RNF213: variants seen among roughly 807,000 people sequenced by gnomAD.
RNF213 encodes the protein ring finger protein 213, also known as E3 ubiquitin-protein ligase RNF213.
In RNF213, 341 loss-of-function variants were observed where a neutral mutation model predicts 514.4. That is an observed-to-expected ratio of 0.66 (90% confidence interval 0.61 to 0.73). The LOEUF is 0.73. Ranked by LOEUF, RNF213 falls within the 30% of genes least tolerant of loss-of-function variation. The pLI is 0.00. For missense variants in RNF213, 5,767 were observed against 6,615.6 expected (o/e 0.87, Z 4.45); for synonymous variants, 2,655 against 2,658.2 (o/e 1.00, Z 0.04).
At chr17:80,375,906 C>G in intron 51 of RNF213, 36 bp downstream of exon 51, 1 of 1,389,922 alleles carries the variant, frequency 7.2e-7, no homozygotes, top group Non-Finnish European at 1.0e-6. Context: ...TTCAAAGTCT[C>G]AGTATTTGGA....
intron 42 of RNF213, 106 bp from the exon 43 acceptor site, chr17:80,367,642 C>A: frequency 1.2e-6 from 1 of 821,536 alleles, no homozygotes; most frequent in Non-Finnish European, 2.1e-6. Context: ...ACACCCCACA[C>A]ACACGGCGCA....
At chr17:80,359,977 A>G (rs1043063359) in intron 37 of RNF213, 84 bp from the exon 38 acceptor site, 2 of 1,432,666 alleles carry the variant, frequency 1.4e-6, no homozygotes, top group African/African-American at 2.8e-5. Flanking sequence ...GTCTGAGAAG[A>G]GCTGGCATCA....
chr17:80,387,416 G>T (rs961587487), intron 63 of RNF213, among the ~76,000 whole-genome samples: 1 of 152,192 alleles, frequency 6.6e-6, no homozygotes, highest in Admixed American at 6.5e-5. Context: ...GATTGTTGAG[G>T]TCTTGATTCT....
chr17:80,329,335 C>T (rs1405430732), intron 20 of RNF213, among the ~76,000 whole-genome samples: 1 of 152,276 alleles, frequency 6.6e-6, no homozygotes, highest in Admixed American at 6.5e-5. Flanking sequence ...TCTAGAATTA[C>T]AGACCGGAAG....
intron 15 of RNF213, among the ~76,000 whole-genome samples, chr17:80,313,667 G>GGT (rs2045666538): frequency 6.6e-6 from 1 of 150,726 alleles, no homozygotes; most frequent in Admixed American, 6.6e-5. Context: ...AGGTGATGGT[G>GGT]GAGGTAATGG....
intron 67 of RNF213, among the ~76,000 whole-genome samples, chr17:80,390,488 C>T (rs1471261037): frequency 1.3e-5 from 2 of 152,090 alleles, no homozygotes; most frequent in African/African-American, 2.4e-5. Flanking sequence ...CCTCTGCCTC[C>T]CAGGTTCAAG....
rs2078369518 is a variant in RNF213, at chr17:80,347,972, A to G, written c.9637A>G (p.Ser3213Gly). 1 of 1,613,968 alleles carries G rather than the reference A, an allele frequency of 6.2e-7. No homozygotes were observed. The highest frequency in any genetic ancestry group is 1.3e-5 in the African/African-American group (1 of 74,944). Residue 3213 changes from serine to glycine, a missense_variant, in exon 29 of 68, where the codon AGC (serine) becomes GGC (glycine). Coordinates refer to ENST00000582970, the MANE Select transcript of RNF213 (RefSeq NM_001256071.3). This position sits in a 1 kb window ranked among gnomAD's most constrained non-coding sequence, Gnocchi z 7.2. ...AHHFQKRHKY[S>G]PSDVFIGYHS... ...TCATTTCCAGAAGAGGCACAAATAC[A>G]GCCCCTCTGACGTCTTCATCGGCTA...
chr17:80,273,392 G>T lies in RNF213; in HGVS notation c.249G>T (p.Trp83Cys). 1 of 1,612,652 alleles carries T rather than the reference G, an allele frequency of 6.2e-7. No homozygotes were observed. The highest frequency in any genetic ancestry group is 1.1e-5 in the South Asian group (1 of 91,050). Residue 83 changes from tryptophan (W) to cysteine (C), a missense_variant, in exon 3 of 68, where the codon TGG (tryptophan) becomes TGT (cysteine). Trp to Cys is a radical substitution (Grantham distance 215). Transcript: ENST00000582970. ...NPEEPCSKAS[W>C]TVQESKKKKR... ...AGGAGCCCTGTTCCAAAGCCTCCTG[G>T]ACCGTCCAAGAAGTGAGTGCACTGC...
At chr17:80,388,714 T>G (rs374248369) in intron 64 of RNF213, 25 bp downstream of exon 64, 1 of 1,524,576 alleles carries the variant, frequency 6.6e-7, no homozygotes, top group East Asian at 2.2e-5. Flanking sequence ...CCTGATCCTG[T>G]GCACGGGGCT....
At position 80,339,257 on chromosome 17, in the gene RNF213, G is replaced by T; in HGVS notation, c.4890G>T (p.Gly1630=). Residue 1630 remains glycine (G), a synonymous_variant, in exon 26 of 68, where the codon GGG becomes GGT. Coordinates refer to ENST00000582970, the MANE Select transcript of RNF213 (RefSeq NM_001256071.3). The stretch of plus-strand genomic sequence containing the variant: ...CCTTCATCGACCTGCACTCTGCTGG[G>T]AATATGCTGTTCAGGACGTGGATCG... ...SQAFIDLHSA[G]NMLFRTWIAM... 2 of 1,526,594 alleles carry T rather than the reference G, an allele frequency of 1.3e-6. No homozygotes were observed. The highest frequency in any genetic ancestry group is 1.4e-5 in the African/African-American group (1 of 73,008). 94.6% of individuals were successfully genotyped at this position (1,526,594 alleles called of 1,614,324 possible). A position where few individuals can be genotyped will look rare whatever the true frequency, so the allele number is the denominator to read the frequency against.
intron 10 of RNF213, among the ~76,000 whole-genome samples, chr17:80,297,879 C>G (rs961408601): frequency 6.6e-5 from 10 of 152,030 alleles, no homozygotes; most frequent in African/African-American, 2.4e-4. Context: ...ATCCCTTGAG[C>G]CCAAGAGTTC....
chr17:80,298,502 G>T lies in RNF213; in HGVS notation c.2194G>T (p.Glu732Ter). The change falls in exon 11 of 68, where the codon GAA (glutamate) becomes TAA (stop). Residue 732 changes from glutamate to a stop codon, truncating the protein, a stop_gained. Coordinates refer to ENST00000582970, the MANE Select transcript of RNF213 (RefSeq NM_001256071.3). LOFTEE classifies it high-confidence loss of function. ...LEGLSFSPFR[E>*]QMLDTSSLLQ... The stretch of plus-strand genomic sequence containing the variant: ...GGGACTCTCCTTCTCACCGTTCCGG[G>T]AACAAATGCTAGATACGTAAGTCGT... 1 of 1,614,150 alleles carries T rather than the reference G, an allele frequency of 6.2e-7. No homozygotes were observed. The highest frequency in any genetic ancestry group is 8.5e-7 in the Non-Finnish European group (1 of 1,180,042).
intron 38 of RNF213, chr17:80,360,489 A>G (rs1024737774): frequency 9.3e-5 from 42 of 451,990 alleles, no homozygotes; most frequent in African/African-American, 7.9e-4. Context: ...GATATGGCGA[A>G]ATGGGGTGTG....
chr17:80,377,428 T>C lies in RNF213; in HGVS notation c.13511-334T>C, dbSNP rs2079804427. 7.4e-6 allele frequency among the ~76,000 whole-genome samples: 1 copy of C among 135,966 alleles called. No individual in the cohort carries two copies. The highest frequency in any genetic ancestry group is 2.5e-4 in the South Asian group (1 of 4,068). 89.2% of individuals were successfully genotyped at this position (135,966 alleles called of 152,430 possible). A position where few individuals can be genotyped will look rare whatever the true frequency, so the allele number is the denominator to read the frequency against. ...TAGTTTTTAAAGTTGTTATAAAATA[T>C]GCTCATGACAAAAAAAAAAAAATCA... is the stretch of plus-strand genomic sequence containing the variant. On this transcript the variant is annotated intron_variant, in intron 53 of 67. Coordinates refer to ENST00000582970, the MANE Select transcript of RNF213 (RefSeq NM_001256071.3). The surrounding 1 kb of genome is among the most constrained non-coding windows in gnomAD (Gnocchi z 4.1).
chr17:80,288,030 G>T lies in RNF213; in HGVS notation c.477G>T (p.Glu159Asp). The T allele has an allele frequency of 6.3e-7, 1 of 1,599,628 alleles. No individual in the cohort carries two copies. Among genetic ancestry groups the T allele is most frequent in the Non-Finnish European group, 8.5e-7 (1 of 1,173,568 alleles). Residue 159 changes from glutamate to aspartate, a missense_variant, in exon 4 of 68, where the codon GAG (glutamate) becomes GAT (aspartate). Transcript: ENST00000582970. The surrounding 1 kb of genome is among the most constrained non-coding windows in gnomAD (Gnocchi z 4.9). ...QPPGTATTPL[E>D]GDGLSAPTEV... ...CAGGCACAGCCACCACGCCACTGGA[G>T]GGTGACGGCCTCTCCGCGCCCACCG... is the stretch of plus-strand genomic sequence containing the variant.
intron 14 of RNF213, among the ~76,000 whole-genome samples, chr17:80,311,914 G>A (rs2045586729): frequency 6.6e-6 from 1 of 152,186 alleles, no homozygotes; most frequent in African/African-American, 2.4e-5. Context: ...ATAACCAGAG[G>A]TTAGGAGTTC....
At position 80,369,880 on chromosome 17, in the gene RNF213, T is replaced by C. The variant is rs1329351682; in HGVS notation, c.12425+13T>C. The C allele has an allele frequency of 1.3e-6, 2 of 1,555,948 alleles. No individual in the cohort carries two copies. The highest frequency in any genetic ancestry group is 8.9e-7 in the Non-Finnish European group (1 of 1,127,476). On this transcript the variant is annotated intron_variant, in intron 46 of 67. Transcript: ENST00000582970. The stretch of plus-strand genomic sequence containing the variant: ...TTTTGAAGTACAGGTAAGAACAACA[T>C]GGAGACTTGCTTCTGGAAAGCCCTG...
intron 10 of RNF213, among the ~76,000 whole-genome samples, chr17:80,296,383 G>A (rs1362979077): frequency 6.6e-6 from 1 of 152,200 alleles, no homozygotes; most frequent in African/African-American, 2.4e-5. Flanking sequence ...CGCGTGTTTA[G>A]GAGGTTGTGG....
At chr17:80,382,296 T>C (rs1758500090) in intron 57 of RNF213, 1 of 157,468 alleles carries the variant, frequency 6.4e-6, no homozygotes, top group Admixed American at 6.0e-5. Flanking sequence ...GTAAAATGGT[T>C]ATATGGTTAT....
Sources: gnomAD v4.1 joint callset for allele counts (sites outside exome capture counted in the v4.1 genomes callset) on GRCh38, gnomAD v4.1.1 for gene constraint, Gnocchi (gnomAD v3.1) non-coding constraint, MANE v1.5 for transcripts, NCBI Gene and HGNC (gene_info 2026-07-23, HGNC 2026-07-21) for gene names.